The following CAMKV variants were observed in gnomAD, a reference collection of about 807,000 sequenced individuals.
CAMKV encodes caM kinase-like vesicle-associated protein.
A neutral mutation model predicts 50.2 loss-of-function variants in CAMKV; 5 were observed. The observed-to-expected ratio is 0.10, with a 90% CI of 0.05 to 0.21. The LOEUF (loss-of-function observed/expected upper bound fraction) is 0.21. Ranked by LOEUF, CAMKV falls within the 10% of genes least tolerant of loss-of-function variation. CAMKV has a pLI of 1.00. For synonymous variants in CAMKV, 229 were observed against 250.1 expected (o/e 0.92, Z 0.80); for missense variants, 361 against 650.5 (o/e 0.55, Z 4.84).
chr3:49,858,425 T>G lies in CAMKV; in HGVS notation c.*893A>C. On this transcript the variant is annotated 3_prime_UTR_variant, in exon 11 of 11. Coordinates refer to ENST00000477224, the MANE Select transcript of CAMKV (RefSeq NM_024046.5). ...GGTGGAGAGGACTTGTGGGCTGAGA[T>G]TGTAGGAGGTGGGCATCTAGGAAGA... is the stretch of plus-strand genomic sequence containing the variant. 1 of 398,062 alleles carries G rather than the reference T, an allele frequency of 2.5e-6. No homozygotes were observed. Among genetic ancestry groups the G allele is most frequent in the Admixed American group, 4.4e-5 (1 of 22,706 alleles). 24.7% of individuals were successfully genotyped at this position (398,062 alleles called of 1,614,324 possible).
In CAMKV at chr3:49,859,299, C is replaced by A; in HGVS notation, c.*19G>T. The A allele has an allele frequency of 6.6e-7, 1 of 1,514,984 alleles. No individual in the cohort carries two copies. Among genetic ancestry groups the A allele is most frequent in the Non-Finnish European group, 8.8e-7 (1 of 1,135,182 alleles). 93.8% of individuals were successfully genotyped at this position (1,514,984 alleles called of 1,614,324 possible). ...CACCCTCCTGCCCATCCCCTGCCCC[C>A]CCTCACCAGGCTGCCTACTCAGCTG... On this transcript the variant is annotated 3_prime_UTR_variant, in exon 11 of 11. Transcript: ENST00000477224. The surrounding 1 kb of genome is among the most constrained non-coding windows in gnomAD (Gnocchi z 5.5).
intron 1 of CAMKV, among the ~76,000 whole-genome samples, chr3:49,866,136 C>G (rs1201599998): frequency 6.6e-6 from 1 of 152,114 alleles, no homozygotes; most frequent in Non-Finnish European, 1.5e-5. Flanking sequence ...TCTAAGTATA[C>G]TGGCTTGGGG....
In CAMKV at chr3:49,860,397, C is replaced by T. The variant is rs2681780; in HGVS notation, c.854+74G>A. 735,900 of 1,562,652 alleles carry T rather than the reference C, an allele frequency of 0.47. 181,350 individuals carry two copies. The highest frequency in any genetic ancestry group is 0.65 in the African/African-American group (47,707 of 73,892). ...GAGCTCTAGGTACCTGCACCCCTTC[C>T]AGGCCTCAAAGATGGGGCTGCTGGG... On this transcript the variant is annotated intron_variant, in intron 9 of 10. Coordinates refer to ENST00000477224, the MANE Select transcript of CAMKV (RefSeq NM_024046.5). The surrounding 1 kb of genome is among the most constrained non-coding windows in gnomAD (Gnocchi z 6.1).
chr3:49,859,435 A>G lies in CAMKV; in HGVS notation c.1389T>C (p.Ala463=). The G allele has an allele frequency of 6.2e-7, 1 of 1,613,266 alleles. No individual in the cohort carries two copies. Among genetic ancestry groups the G allele is most frequent in the Non-Finnish European group, 8.5e-7 (1 of 1,179,396 alleles). ...ATKAAATPEP[A]MAQPDSTAPE... ...GGGCTGTGCTGTCCGGCTGGGCCAT[A>G]GCCGGCTCAGGGGTGGCAGCTGCCT... Residue 463 remains alanine (A), a synonymous_variant, in exon 11 of 11, where the codon GCT becomes GCC. Coordinates refer to ENST00000477224, the MANE Select transcript of CAMKV (RefSeq NM_024046.5). The surrounding 1 kb of genome is among the most constrained non-coding windows in gnomAD (Gnocchi z 5.5).
At chr3:49,866,068 C>G (rs1356359147) in intron 1 of CAMKV, among the ~76,000 whole-genome samples, 1 of 150,990 alleles carries the variant, frequency 6.6e-6, no homozygotes, top group Non-Finnish European at 1.5e-5. Flanking sequence ...TCCCCTGCCC[C>G]CTACTATGGC....
Position 49,860,829 on chromosome 3 carries a change from T to C in CAMKV, c.662A>G (p.Tyr221Cys). ...YILLSGNPPF[Y>C]EEVEEDDYEN... ...ATAATCATCTTCTTCCACCTCCTCA[T>C]AGAAAGGTGGATTGCCTGAAAGCCT... The change falls in exon 8 of 11, where the codon TAT (tyrosine) becomes TGT (cysteine). Residue 221 changes from tyrosine to cysteine, a missense_variant. Around this residue, in one of 4 missense-constraint regions of CAMKV, gnomAD observed 172 missense variants for 414.3 expected, o/e 0.42. Transcript: ENST00000477224. This position sits in a 1 kb window ranked among gnomAD's most constrained non-coding sequence, Gnocchi z 6.1. 1 of 1,614,038 alleles carries C rather than the reference T, an allele frequency of 6.2e-7. No homozygotes were observed. The highest frequency in any genetic ancestry group is 8.5e-7 in the Non-Finnish European group (1 of 1,180,008).
Position 49,860,008 on chromosome 3 carries a change from A to G in CAMKV, c.943-127T>C. ...CCATCCACCCCAGGGCCAAGTACTC[A>G]GCTGCTCAGCACTCCTACTTAAGGT... On this transcript the variant is annotated intron_variant, in intron 10 of 10. Transcript: ENST00000477224. This position sits in a 1 kb window ranked among gnomAD's most constrained non-coding sequence, Gnocchi z 6.1. 3 of 1,057,068 alleles carry G rather than the reference A, an allele frequency of 2.8e-6. No individual in the cohort carries two copies. Among genetic ancestry groups the G allele is most frequent in the Admixed American group, 2.4e-5 (1 of 42,044 alleles). The allele number at this position is 1,057,068 out of a possible 1,614,324, so 65.5% of individuals were successfully genotyped here. A position where few individuals can be genotyped will look rare whatever the true frequency, so the allele number is the denominator to read the frequency against.
In CAMKV at chr3:49,861,208, C is replaced by A; in HGVS notation, c.534G>T (p.Lys178Asn). The change falls in exon 6 of 11, where the codon AAG becomes AAT. Residue 178 changes from lysine to asparagine, a missense_variant. By Grantham distance (94) the Lys-to-Asn change is moderately conservative (BLOSUM62 0). Transcript: ENST00000477224. This position sits in a 1 kb window ranked among gnomAD's most constrained non-coding sequence, Gnocchi z 7.7. ...HLAKLENGLI[K>N]EPCGTPEYLA... ...GATACTCGGGGGTCCCACAGGGCTC[C>A]TTGATGAGGCCATTTTCTAGCTTAG... 1 of 1,614,014 alleles carries A rather than the reference C, an allele frequency of 6.2e-7. No homozygotes were observed. Among genetic ancestry groups the A allele is most frequent in the Non-Finnish European group, 8.5e-7 (1 of 1,180,028 alleles).
In CAMKV at chr3:49,860,132, C is replaced by T; in HGVS notation, c.942+39G>A. On this transcript the variant is annotated intron_variant, in intron 10 of 10. Coordinates refer to ENST00000477224, the MANE Select transcript of CAMKV (RefSeq NM_024046.5). This position sits in a 1 kb window ranked among gnomAD's most constrained non-coding sequence, Gnocchi z 6.1. ...AAGAAACTGAGTGCCAGAAGCAATA[C>T]TTGGGATAGAGCCAAGAAGGGAGTT... The T allele has an allele frequency of 6.4e-7, 1 of 1,564,320 alleles. No homozygotes were observed. Among genetic ancestry groups the T allele is most frequent in the Non-Finnish European group, 8.8e-7 (1 of 1,134,718 alleles).
intron 1 of CAMKV, among the ~76,000 whole-genome samples, chr3:49,868,906 C>CA (rs1432212526): frequency 4.6e-5 from 7 of 152,080 alleles, no homozygotes; most frequent in Non-Finnish European, 1.0e-4. Flanking sequence ...CTGGGAGGTG[C>CA]GGACAAAAGC....
Position 49,861,743 on chromosome 3 carries a change from GA to G in CAMKV, c.302+47del. 6.2e-7 allele frequency: 1 copy of G among 1,606,788 alleles called. No individual in the cohort carries two copies. The highest frequency in any genetic ancestry group is 8.5e-7 in the Non-Finnish European group (1 of 1,173,852). ...CTTAGCTGCAGAGGGTGGGACAGGT[GA>G]AAGCCCTGGGCGCTGGGGAATCTTG... On this transcript the variant is annotated intron_variant, in intron 4 of 10. Transcript: ENST00000477224. The surrounding 1 kb of genome is among the most constrained non-coding windows in gnomAD (Gnocchi z 7.7).
Position 49,860,459 on chromosome 3 carries a change from G to C in CAMKV, c.854+12C>G. ...CCCTGGCCTCTCCCACCCTCCCCTGGACCCTGCTCACCACTCATGGGAGAT... is the reference window on the plus strand; with the variant it reads ...CCCTGGCCTCTCCCACCCTCCCCTGCACCCTGCTCACCACTCATGGGAGAT... On this transcript the variant is annotated intron_variant, in intron 9 of 10. Transcript: ENST00000477224. This position sits in a 1 kb window ranked among gnomAD's most constrained non-coding sequence, Gnocchi z 6.1. 6.2e-7 allele frequency: 1 copy of C among 1,612,464 alleles called. No individual in the cohort carries two copies. Among genetic ancestry groups the C allele is most frequent in the Non-Finnish European group, 8.5e-7 (1 of 1,179,228 alleles).
At chr3:49,864,379 G>C (rs1188089407) in intron 1 of CAMKV, among the ~76,000 whole-genome samples, 2 of 152,228 alleles carry the variant, frequency 1.3e-5, no homozygotes, top group Non-Finnish European at 2.9e-5. Context: ...TGGGCTGTCA[G>C]GTCCAGGTGC....
Position 49,859,630 on chromosome 3 carries a change from A to AGTGGCTGGGGTGGCACATCCATCT in CAMKV, c.1193_1194insAGATGGATGTGCCACCCCAGCCAC (p.Gly400_Ser401insCysAlaThrProAlaThrAspGly), listed in dbSNP as rs2082003892. 6.2e-7 allele frequency: 1 copy of AGTGGCTGGGGTGGCACATCCATCT among 1,613,910 alleles called. No homozygotes were observed. Among genetic ancestry groups the AGTGGCTGGGGTGGCACATCCATCT allele is most frequent in the African/African-American group, 1.3e-5 (1 of 74,878 alleles). ...CGGTGGCTGGGGTGACACTGCCATC[A>AGTGGCTGGGGTGGCACATCCATCT]GTGGCTGGGGTGGCACTTCCATCTG... On this transcript the variant is annotated inframe_insertion, in exon 11 of 11. Coordinates refer to ENST00000477224, the MANE Select transcript of CAMKV (RefSeq NM_024046.5). The surrounding 1 kb of genome is among the most constrained non-coding windows in gnomAD (Gnocchi z 5.5).
At chr3:49,867,422 G>T (rs772993244) in intron 1 of CAMKV, among the ~76,000 whole-genome samples, 2 of 152,192 alleles carry the variant, frequency 1.3e-5, no homozygotes, top group Non-Finnish European at 2.9e-5. Context: ...GCTACATCCC[G>T]AAAGTTTAGC....
At chr3:49,865,991 C>T (rs2082062076) in intron 1 of CAMKV, among the ~76,000 whole-genome samples, 1 of 152,218 alleles carries the variant, frequency 6.6e-6, no homozygotes, top group Non-Finnish European at 1.5e-5. Context: ...AACTGGGCCT[C>T]CACCCCGTAA....
Position 49,861,940 on chromosome 3 carries a change from A to G in CAMKV, c.228-75T>C, listed in dbSNP as rs2082025316. ...AGAGGCTGTGGTCACCACAGTGGCC[A>G]CAGCAGACTAATTGGCCAGAGGCTG... On this transcript the variant is annotated intron_variant, in intron 3 of 10. Transcript: ENST00000477224. This position sits in a 1 kb window ranked among gnomAD's most constrained non-coding sequence, Gnocchi z 7.7. The G allele has an allele frequency of 1.2e-6, 2 of 1,607,990 alleles. No homozygotes were observed. The highest frequency in any genetic ancestry group is 1.7e-5 in the Admixed American group (1 of 59,342).
Position 49,862,845 on chromosome 3 carries a change from T to C in CAMKV, c.-14-443A>G, listed in dbSNP as rs2082033561. Among the ~76,000 whole-genome samples, 1 of 152,234 alleles carries C rather than the reference T, an allele frequency of 6.6e-6. No homozygotes were observed. The highest frequency in any genetic ancestry group is 1.5e-5 in the Non-Finnish European group (1 of 68,046). Reference sequence around the variant, plus strand: ...CTAGGAGAGGGCAAACTCCCCTTTGTAAAGCAGTTTGGTAAAACCACTAAA... The same window carrying C: ...CTAGGAGAGGGCAAACTCCCCTTTGCAAAGCAGTTTGGTAAAACCACTAAA... On this transcript the variant is annotated intron_variant, in intron 1 of 10. Transcript: ENST00000477224. This position sits in a 1 kb window ranked among gnomAD's most constrained non-coding sequence, Gnocchi z 5.2.
rs2082004642 is a variant in CAMKV, at chr3:49,859,707, C to T, written c.1117G>A (p.Ala373Thr). 2 of 1,608,978 alleles carry T rather than the reference C, an allele frequency of 1.2e-6. No homozygotes were observed. The highest frequency in any genetic ancestry group is 1.7e-6 in the Non-Finnish European group (2 of 1,177,076). The stretch of plus-strand genomic sequence containing the variant: ...GGGGCCACATTATCACTCTTTGCAG[C>T]ACGAGCAGCATCACCCTCAGGGGCT... ...TSAPEGDAARAAKSDNVAPAD... is the reference protein window; with the variant it reads ...TSAPEGDAARTAKSDNVAPAD... Residue 373 changes from alanine to threonine, a missense_variant, in exon 11 of 11, where the codon GCT (alanine) becomes ACT (threonine). Transcript: ENST00000477224. The surrounding 1 kb of genome is among the most constrained non-coding windows in gnomAD (Gnocchi z 5.5).
Sources: gnomAD v4.1 joint callset for allele counts (sites outside exome capture counted in the v4.1 genomes callset) on GRCh38, gnomAD v4.1.1 for gene constraint, gnomAD v4.1.1 regional missense constraint, Gnocchi (gnomAD v3.1) non-coding constraint, MANE v1.5 for transcripts, NCBI Gene and HGNC (gene_info 2026-07-23, HGNC 2026-07-21) for gene names.